The following IQCH variants were observed in gnomAD, a reference collection of about 807,000 sequenced individuals.
IQCH encodes IQ domain-containing protein H.
IQCH carries 98 observed loss-of-function variants against 117.0 expected under a neutral mutation model. The ratio of observed to expected loss-of-function variants is 0.84; its 90% CI spans 0.71 to 0.99. IQCH has a LOEUF of 0.99. IQCH is among the 50% of genes least tolerant of loss of function. The pLI, the probability that IQCH is intolerant of heterozygous loss-of-function variation, is 0.00. For synonymous variants in IQCH, 412 were observed against 448.2 expected (o/e 0.92, Z 1.02); for missense variants, 1,102 against 1,243.8 (o/e 0.89, Z 1.72).
At chr15:67,440,700 A>G (rs765520946) in intron 16 of IQCH, among the ~76,000 whole-genome samples, 4 of 152,230 alleles carry the variant, frequency 2.6e-5, no homozygotes, top group Admixed American at 6.5e-5. Context: ...CAAAATCGGC[A>G]TACAAGGGAC....
rs758188174 is a variant in IQCH, at chr15:67,261,376, G to A, written c.156G>A (p.Arg52=). The A allele has an allele frequency of 1.3e-6, 2 of 1,590,368 alleles. No individual in the cohort carries two copies. Among genetic ancestry groups the A allele is most frequent in the Non-Finnish European group, 1.7e-6 (2 of 1,173,512 alleles). ...DIQSLETAIK[R]TEVGLRIHIE... ...AGAGTCTTGAAACAGCAATCAAAAG[G>A]ACTGAAGTGGGGTTAAGAGTAAGTA... Residue 52 remains arginine, a synonymous_variant, in exon 2 of 21, where the codon AGG becomes AGA. Coordinates refer to ENST00000335894, the MANE Select transcript of IQCH (RefSeq NM_001031715.3).
intron 4 of IQCH, chr15:67,304,396 G>A: frequency 6.5e-7 from 1 of 1,535,330 alleles, no homozygotes; most frequent in Non-Finnish European, 8.7e-7. Context: ...CCACCACAGA[G>A]CTGCTGTAAA....
At chr15:67,383,872 C>T (rs1971023933) in intron 10 of IQCH, among the ~76,000 whole-genome samples, 1 of 152,092 alleles carries the variant, frequency 6.6e-6, no homozygotes. Context: ...ATTTAATTTC[C>T]AGACATTGTC....
chr15:67,486,281 G>A lies in IQCH; in HGVS notation c.2800-3722G>A, dbSNP rs191441367. Among the ~76,000 whole-genome samples, 779 of 151,262 alleles carry A rather than the reference G, an allele frequency of 5.2e-3. 11 individuals carry two copies. The highest frequency in any genetic ancestry group is 0.018 in the African/African-American group (732 of 41,272). ...TCTCAAACTCCTGACCTCATGATCC[G>A]CCCGCCTCGGCCTCCCAAAGTGCTG... On this transcript the variant is annotated intron_variant, in intron 18 of 20. Transcript: ENST00000335894.
chr15:67,496,387 C>T lies in IQCH; in HGVS notation c.2970+2021C>T, dbSNP rs980218862. Among the ~76,000 whole-genome samples the T allele has an allele frequency of 6.6e-6, 1 of 152,142 alleles. No homozygotes were observed. The highest frequency in any genetic ancestry group is 1.5e-5 in the Non-Finnish European group (1 of 68,018). On this transcript the variant is annotated intron_variant, in intron 20 of 20. Coordinates refer to ENST00000335894, the MANE Select transcript of IQCH (RefSeq NM_001031715.3). This position sits in a 1 kb window ranked among gnomAD's most constrained non-coding sequence, Gnocchi z 4.4. ...TAAAAATAGAAGGTAACTTCCTCAA[C>T]CTTATAAGGACATCTACCAAAAAAC...
In IQCH at chr15:67,395,364, G is replaced by A. The variant is rs1402119730; in HGVS notation, c.1706G>A (p.Arg569Gln). ...KAIKRIKNLI[R>Q]GTEAYIVSGL... Reference sequence around the variant, plus strand: ...ATCAAAAGAATAAAAAATCTCATCCGAGGAACAGAGGCCTACATCGTCAGC... The same window carrying A: ...ATCAAAAGAATAAAAAATCTCATCCAAGGAACAGAGGCCTACATCGTCAGC... The change falls in exon 13 of 21, where the codon CGA becomes CAA. Residue 569 changes from arginine (R) to glutamine (Q), a missense_variant. Arg to Gln is a conservative substitution (Grantham distance 43). This residue lies in a region of IQCH where 650 missense variants were observed against 794.3 expected (regional missense o/e 0.82). Transcript: ENST00000335894. This position sits in a 1 kb window ranked among gnomAD's most constrained non-coding sequence, Gnocchi z 4.0. 1.2e-6 allele frequency: 2 copies of A among 1,614,038 alleles called. No individual in the cohort carries two copies. Among genetic ancestry groups the A allele is most frequent in the East Asian group, 2.2e-5 (1 of 44,870 alleles).
At chr15:67,287,023 G>A (rs1480277052) in intron 4 of IQCH, among the ~76,000 whole-genome samples, 1 of 152,128 alleles carries the variant, frequency 6.6e-6, no homozygotes, top group Non-Finnish European at 1.5e-5. Flanking sequence ...AGCACCAATT[G>A]AAATGATCAT....
In IQCH at chr15:67,386,393, A is replaced by T. The variant is rs1301819209; in HGVS notation, c.1456+1374A>T. The stretch of plus-strand genomic sequence containing the variant: ...TATTTTGCTTATATGAACATTTCTG[A>T]GAGATTATGAACCAAATGCTTTTTT... On this transcript the variant is annotated intron_variant, in intron 11 of 20. Coordinates refer to ENST00000335894, the MANE Select transcript of IQCH (RefSeq NM_001031715.3). The surrounding 1 kb of genome is among the most constrained non-coding windows in gnomAD (Gnocchi z 5.0). 6.6e-6 allele frequency among the ~76,000 whole-genome samples: 1 copy of T among 152,184 alleles called. No individual in the cohort carries two copies. Among genetic ancestry groups the T allele is most frequent in the Non-Finnish European group, 1.5e-5 (1 of 68,012 alleles).
In IQCH at chr15:67,494,053, T is replaced by TA. The variant is rs548752736; in HGVS notation, c.2862-199dup. ...TGGTATATTCTGCTAAGTTGATTAA[T>TA]AAAAAATATTTATTACGCAAATCCT... On this transcript the variant is annotated intron_variant, in intron 19 of 20. Coordinates refer to ENST00000335894, the MANE Select transcript of IQCH (RefSeq NM_001031715.3). The surrounding 1 kb of genome is among the most constrained non-coding windows in gnomAD (Gnocchi z 5.5). Among the ~76,000 whole-genome samples, 1 of 152,224 alleles carries TA rather than the reference T, an allele frequency of 6.6e-6. No individual in the cohort carries two copies. The highest frequency in any genetic ancestry group is 1.5e-5 in the Non-Finnish European group (1 of 68,026).
At chr15:67,355,747 G>C (rs987993412) in intron 6 of IQCH, among the ~76,000 whole-genome samples, 1 of 152,112 alleles carries the variant, frequency 6.6e-6, no homozygotes, top group African/African-American at 2.4e-5. Context: ...ATTAGGATAC[G>C]GTTTTGTAAA....
chr15:67,468,335 T>C (rs940398924), intron 17 of IQCH, among the ~76,000 whole-genome samples: 1 of 152,228 alleles, frequency 6.6e-6, no homozygotes, highest in African/African-American at 2.4e-5. Flanking sequence ...TGTTAAATTA[T>C]GATGTTAATA....
rs146669205 is a variant in IQCH, at chr15:67,348,963, G to A, written c.637+4772G>A. On this transcript the variant is annotated intron_variant, in intron 6 of 20. Transcript: ENST00000335894. ...ACAGAAATAGAACCACACATACTTG[G>A]TCAATTCATTTTTGACAAAGATGCA... is the stretch of plus-strand genomic sequence containing the variant. Among the ~76,000 whole-genome samples the A allele has an allele frequency of 6.8e-4, 104 of 152,284 alleles. 4 individuals carry two copies. The East Asian group carries it at 0.012, about 17-fold the overall frequency.
At chr15:67,306,895 A>G (rs1030741002) in intron 4 of IQCH, 10 of 1,512,976 alleles carry the variant, frequency 6.6e-6, no homozygotes, top group Admixed American at 2.0e-5. Flanking sequence ...ACTGACATCC[A>G]GTTCCAGTTA....
intron 1 of IQCH, among the ~76,000 whole-genome samples, chr15:67,257,744 G>A (rs961180067): frequency 6.6e-6 from 1 of 152,098 alleles, no homozygotes; most frequent in African/African-American, 2.4e-5. Context: ...TTAAATGTTT[G>A]TGTAACAAAT....
At chr15:67,339,994 CCTAAAGTT>C (rs1393175728) in intron 5 of IQCH, among the ~76,000 whole-genome samples, 3 of 152,136 alleles carry the variant, frequency 2.0e-5, no homozygotes, top group African/African-American at 7.2e-5. Flanking sequence ...CTCCAAATAT[CCTAAAGTT>C]CTTAGGGCTA....
chr15:67,385,907 C>T lies in IQCH; in HGVS notation c.1456+888C>T, dbSNP rs1333449861. On this transcript the variant is annotated intron_variant, in intron 11 of 20. Coordinates refer to ENST00000335894, the MANE Select transcript of IQCH (RefSeq NM_001031715.3). The surrounding 1 kb of genome is among the most constrained non-coding windows in gnomAD (Gnocchi z 4.6). ...AATGATCAAGGACCAACTTAACTGG[C>T]TCCCTGGAATGACATGCTTTACATG... 6.6e-6 allele frequency among the ~76,000 whole-genome samples: 1 copy of T among 152,104 alleles called. No homozygotes were observed. Among genetic ancestry groups the T allele is most frequent in the Non-Finnish European group, 1.5e-5 (1 of 68,030 alleles).
intron 18 of IQCH, among the ~76,000 whole-genome samples, chr15:67,484,391 G>GT (rs2083417542): frequency 6.6e-6 from 1 of 151,600 alleles, no homozygotes; most frequent in South Asian, 2.1e-4. Flanking sequence ...GGGCAACAGA[G>GT]TGAGACCCAG....
Position 67,264,762 on chromosome 15 carries a change from T to C in IQCH, c.269+1546T>C, listed in dbSNP as rs182738124. 4.1e-3 allele frequency among the ~76,000 whole-genome samples: 624 copies of C among 151,948 alleles called. 3 individuals carry two copies. The highest frequency in any genetic ancestry group is 5.8e-3 in the Non-Finnish European group (397 of 67,938). ...ATGAATACCAGGGGGTGGGGATCAT[T>C]GGGGGCCATCTAGGAGGCCAAATAC... On this transcript the variant is annotated intron_variant, in intron 3 of 20. Transcript: ENST00000335894.
rs77113478 is a variant in IQCH, at chr15:67,415,023, G to C, written c.2098-1908G>C. Among the ~76,000 whole-genome samples the C allele has an allele frequency of 4.8e-4, 73 of 152,250 alleles. 2 individuals carry two copies. The East Asian group carries it at 0.013, about 27-fold the overall frequency. On this transcript the variant is annotated intron_variant, in intron 14 of 20. Coordinates refer to ENST00000335894, the MANE Select transcript of IQCH (RefSeq NM_001031715.3). Reference sequence around the variant, plus strand: ...CAGCTTTGGGGCACTTCATAAATCAGAGACAGTTGGTCTTCCTTGATAAAA... The same window carrying C: ...CAGCTTTGGGGCACTTCATAAATCACAGACAGTTGGTCTTCCTTGATAAAA...
Sources: gnomAD v4.1 joint callset for allele counts (sites outside exome capture counted in the v4.1 genomes callset) on GRCh38, gnomAD v4.1.1 for gene constraint, gnomAD v4.1.1 regional missense constraint, Gnocchi (gnomAD v3.1) non-coding constraint, MANE v1.5 for transcripts, NCBI Gene and HGNC (gene_info 2026-07-23, HGNC 2026-07-21) for gene names.